DLC1: variants seen among roughly 807,000 people sequenced by gnomAD.
DLC1 encodes DLC1 Rho GTPase activating protein, also known as rho GTPase-activating protein 7.
Under a neutral mutation model 140.3 loss-of-function variants are expected in DLC1, and 54 were observed. The observed-to-expected ratio is 0.38, with a 90% CI of 0.31 to 0.48. DLC1 has a LOEUF of 0.48. DLC1 is among the 20% of genes least tolerant of loss of function. The pLI, the probability that DLC1 is intolerant of heterozygous loss-of-function variation, is 0.96. For missense variants in DLC1, 2,536 were observed against 1,907.0 expected, an observed-to-expected ratio of 1.33 and a Z score of -6.14; for synonymous variants, 986 against 728.1, an observed-to-expected ratio of 1.35 and a Z score of -5.70.
intron 7 of DLC1, among the ~76,000 whole-genome samples, chr8:13,104,971 G>C (rs1280079597): frequency 6.6e-6 from 1 of 152,178 alleles, no homozygotes; most frequent in Non-Finnish European, 1.5e-5. Flanking sequence ...ATGCTTTCAA[G>C]ATTTAAAGAA....
intron 5 of DLC1, among the ~76,000 whole-genome samples, chr8:13,132,368 G>A (rs532595745): frequency 6.6e-6 from 1 of 151,870 alleles, no homozygotes; most frequent in South Asian, 2.1e-4. Flanking sequence ...AGCGCTTAAA[G>A]TATCTTACCC....
chr8:13,222,199 A>AT (rs1828590954), intron 5 of DLC1, among the ~76,000 whole-genome samples: 1 of 151,958 alleles, frequency 6.6e-6, no homozygotes, highest in Admixed American at 6.6e-5. Flanking sequence ...CTCCAAAAGC[A>AT]TTATTTATGT....
rs185061714 is a variant in DLC1, at chr8:13,405,566, G to T, written c.1024-3947C>A. On this transcript the variant is annotated intron_variant, in intron 2 of 17. Coordinates refer to ENST00000276297, the MANE Select transcript of DLC1 (RefSeq NM_182643.3). ...CTGGTAAAGTCGAGACTAGAGCCTG[G>T]CTCTTCCCACTCCCCTTCCTGTTAG... is the stretch of plus-strand genomic sequence containing the variant. 2.0e-3 allele frequency among the ~76,000 whole-genome samples: 311 copies of T among 152,212 alleles called. 1 individual carries two copies. Among genetic ancestry groups the T allele is most frequent in the African/African-American group, 7.1e-3 (295 of 41,530 alleles).
chr8:13,372,215 A>T (rs140851669), intron 4 of DLC1, among the ~76,000 whole-genome samples: 75 of 152,292 alleles, frequency 4.9e-4, no homozygotes, highest in Middle Eastern at 3.4e-3. Context: ...AATGGGGCCA[A>T]ATAGATATAA....
intron 2 of DLC1, among the ~76,000 whole-genome samples, chr8:13,460,265 C>G (rs1799598224): frequency 6.6e-6 from 1 of 152,186 alleles, no homozygotes; most frequent in Non-Finnish European, 1.5e-5. Flanking sequence ...ATTTAAAAGA[C>G]TATGTTTCTC....
At chr8:13,446,551 A>C (rs1798783901) in intron 2 of DLC1, among the ~76,000 whole-genome samples, 1 of 151,166 alleles carries the variant, frequency 6.6e-6, no homozygotes, top group Admixed American at 6.6e-5. Flanking sequence ...GGAGAGAAGA[A>C]AAGAAAAAAG....
intron 5 of DLC1, among the ~76,000 whole-genome samples, chr8:13,167,900 A>G (rs17126375): frequency 0.22 from 33,592 of 152,174 alleles, 4,621 homozygotes; most frequent in African/African-American, 0.39. Context: ...AGACCACCCA[A>G]TCATACAATT....
intron 4 of DLC1, among the ~76,000 whole-genome samples, chr8:13,377,271 T>C (rs1836036614): frequency 6.6e-6 from 1 of 152,168 alleles, no homozygotes; most frequent in Admixed American, 6.5e-5. Flanking sequence ...GGAATGAGTG[T>C]AGAAGTGTGG....
At chr8:13,156,944 G>A (rs1256154344) in intron 5 of DLC1, among the ~76,000 whole-genome samples, 1 of 152,142 alleles carries the variant, frequency 6.6e-6, no homozygotes, top group Non-Finnish European at 1.5e-5. Flanking sequence ...TTCCGAGTAT[G>A]AAGGTTAGAG....
rs569537528 is a variant in DLC1, at chr8:13,394,146, C to G, written c.1174-453G>C. On this transcript the variant is annotated intron_variant, in intron 3 of 17. Coordinates refer to ENST00000276297, the MANE Select transcript of DLC1 (RefSeq NM_182643.3). ...AGTTCTCATTTCTTCTTACCTCAAT[C>G]TCTTCTATGTTCCTATTCAACCTCT... Among the ~76,000 whole-genome samples the G allele has an allele frequency of 2.6e-5, 4 of 152,328 alleles. No individual in the cohort carries two copies. In the South Asian group the frequency reaches 8.3e-4, roughly 32 times the overall value.
intron 5 of DLC1, among the ~76,000 whole-genome samples, chr8:13,187,438 A>T (rs1223685513): frequency 6.6e-6 from 1 of 152,108 alleles, no homozygotes; most frequent in Non-Finnish European, 1.5e-5. Context: ...AATTTTTCTG[A>T]TCTTCAGATT....
At chr8:13,304,375 C>T (rs557830382) in intron 5 of DLC1, among the ~76,000 whole-genome samples, 1 of 152,246 alleles carries the variant, frequency 6.6e-6, no homozygotes, top group South Asian at 2.1e-4. Context: ...ACAGCCTAAA[C>T]ATGAGAGAAA....
chr8:13,147,744 C>A (rs1311495900), intron 5 of DLC1, among the ~76,000 whole-genome samples: 2 of 152,054 alleles, frequency 1.3e-5, no homozygotes, highest in Non-Finnish European at 2.9e-5. Context: ...AATCCCAGCA[C>A]TCTGGGAGGC....
intron 1 of DLC1, among the ~76,000 whole-genome samples, chr8:13,546,782 T>C (rs1803661807): frequency 6.6e-6 from 1 of 152,122 alleles, no homozygotes; most frequent in South Asian, 2.1e-4. Flanking sequence ...ATCCCAGATT[T>C]AGACTTCTTT....
chr8:13,097,006 G>C (rs183270031), intron 10 of DLC1, among the ~76,000 whole-genome samples: 7 of 152,204 alleles, frequency 4.6e-5, no homozygotes, highest in Non-Finnish European at 8.8e-5. Flanking sequence ...CCCAGATTAG[G>C]TGATATCCAT....
At chr8:13,149,168 A>G (rs906592008) in intron 5 of DLC1, among the ~76,000 whole-genome samples, 1 of 152,120 alleles carries the variant, frequency 6.6e-6, no homozygotes, top group African/African-American at 2.4e-5. Flanking sequence ...TCTCAATTCT[A>G]TTATCCTGAG....
At chr8:13,337,800 TATA>T (rs1401369241) in intron 4 of DLC1, among the ~76,000 whole-genome samples, 1 of 152,162 alleles carries the variant, frequency 6.6e-6, no homozygotes, top group African/African-American at 2.4e-5. Flanking sequence ...CAAAGAAAAG[TATA>T]ATACCATATT....
chr8:13,328,526 G>A (rs180977719), intron 4 of DLC1, among the ~76,000 whole-genome samples: 176 of 152,328 alleles, frequency 1.2e-3, no homozygotes, highest in Non-Finnish European at 2.2e-3. Context: ...CATCACAGGA[G>A]CTGAATTTGT....
intron 5 of DLC1, among the ~76,000 whole-genome samples, chr8:13,163,821 A>C (rs2116887812): frequency 6.6e-6 from 1 of 152,178 alleles, no homozygotes; most frequent in Middle Eastern, 3.4e-3. Flanking sequence ...AAAAGGGAAA[A>C]AAAATGCACC....
Sources: gnomAD v4.1 joint callset for allele counts (sites outside exome capture counted in the v4.1 genomes callset) on GRCh38, gnomAD v4.1.1 for gene constraint, MANE v1.5 for transcripts, NCBI Gene and HGNC (gene_info 2026-07-23, HGNC 2026-07-21) for gene names.